SDK1: variants seen among roughly 807,000 people sequenced by gnomAD.
SDK1 encodes protein sidekick-1.
A neutral mutation model predicts 245.5 loss-of-function variants in SDK1; 157 were observed. That is an observed-to-expected ratio of 0.64 (90% CI 0.56 to 0.73). The LOEUF is 0.73. SDK1 is among the 30% of genes least tolerant of loss of function. The pLI is 0.00. For synonymous variants in SDK1, 1,647 were observed against 1,278.5 expected, an observed-to-expected ratio of 1.29 and a Z score of -6.15; for missense variants, 3,583 against 3,002.3, an observed-to-expected ratio of 1.19 and a Z score of -4.52.
At chr7:4,002,930 G>A (rs1785182751) in intron 14 of SDK1, among the ~76,000 whole-genome samples, 1 of 152,250 alleles carries the variant, frequency 6.6e-6, no homozygotes, top group Non-Finnish European at 1.5e-5. Flanking sequence ...GGGTTGGCAT[G>A]AGCTTCCTTC....
At chr7:3,710,625 C>G (rs10245274) in intron 4 of SDK1, among the ~76,000 whole-genome samples, 17,097 of 152,184 alleles carry the variant, frequency 0.11, 1,361 homozygotes, top group African/African-American at 0.22. Flanking sequence ...CTAAGGCAAA[C>G]ATTGTGTGTG....
At chr7:3,853,914 G>A (rs372225472) in intron 5 of SDK1, among the ~76,000 whole-genome samples, 3 of 152,060 alleles carry the variant, frequency 2.0e-5, no homozygotes, top group Admixed American at 6.6e-5. Context: ...GCTTGAACTC[G>A]AGAGGCAAAT....
chr7:4,175,948 G>A (rs2065714809), intron 34 of SDK1, 114 bp downstream of exon 34: 1 of 865,526 alleles, frequency 1.2e-6, no homozygotes, highest in Non-Finnish European at 1.9e-6. Context: ...TCCAGTTCTG[G>A]AATCGCCTCT....
At position 4,042,840 on chromosome 7, in the gene SDK1, G is replaced by A. The variant is rs150861152; in HGVS notation, c.2603-6508G>A. On this transcript the variant is annotated intron_variant, in intron 17 of 44. Coordinates refer to ENST00000404826, the MANE Select transcript of SDK1 (RefSeq NM_152744.4). ...TCAACACTGTCAAGAAGGATTTGCC[G>A]GCTGTAACTCTTTCTCGCTTGAGGG... Among the ~76,000 whole-genome samples, 17 of 152,308 alleles carry A rather than the reference G, an allele frequency of 1.1e-4. No individual in the cohort carries two copies. In the East Asian group the frequency reaches 1.5e-3, roughly 14 times the overall value.
chr7:3,945,273 G>A (rs1241603264), intron 5 of SDK1, among the ~76,000 whole-genome samples: 1 of 152,126 alleles, frequency 6.6e-6, no homozygotes, highest in Non-Finnish European at 1.5e-5. Context: ...GCGTCCCTTC[G>A]GAATAATAGT....
Position 3,657,304 on chromosome 7 carries a change from G to A in SDK1, c.713+15199G>A, listed in dbSNP as rs75085421. On this transcript the variant is annotated intron_variant, in intron 4 of 44. Coordinates refer to ENST00000404826, the MANE Select transcript of SDK1 (RefSeq NM_152744.4). ...AGATGAGAGGCAGACAGCTGCAGCT[G>A]TCTGGAGGTGCTGTCACAGTTGGCA... Among the ~76,000 whole-genome samples the A allele has an allele frequency of 4.2e-3, 647 of 152,298 alleles. 11 individuals carry two copies. Among genetic ancestry groups the A allele is most frequent in the African/African-American group, 0.015 (630 of 41,564 alleles).
intron 1 of SDK1, among the ~76,000 whole-genome samples, chr7:3,385,007 A>G (rs1015149938): frequency 6.6e-6 from 1 of 150,498 alleles, no homozygotes; most frequent in African/African-American, 2.4e-5. Flanking sequence ...TTCTGGAGAA[A>G]GTAGATGTGC....
intron 17 of SDK1, among the ~76,000 whole-genome samples, chr7:4,043,868 C>G (rs938708985): frequency 2.6e-5 from 4 of 152,124 alleles, no homozygotes; most frequent in African/African-American, 4.8e-5. Flanking sequence ...ATGCCGTCCT[C>G]AACCCCAGAG....
chr7:4,084,523 C>A (rs1781299091), intron 22 of SDK1, among the ~76,000 whole-genome samples: 1 of 152,188 alleles, frequency 6.6e-6, no homozygotes, highest in Non-Finnish European at 1.5e-5. Flanking sequence ...AGACGATAAC[C>A]TGAGCACCAA....
chr7:4,002,297 C>G (rs1440770276), intron 14 of SDK1, among the ~76,000 whole-genome samples: 1 of 152,144 alleles, frequency 6.6e-6, no homozygotes, highest in Non-Finnish European at 1.5e-5. Flanking sequence ...GAAGCCTCAC[C>G]CCAAGCAGTT....
chr7:4,044,938 C>T (rs909751462), intron 17 of SDK1, among the ~76,000 whole-genome samples: 5 of 152,154 alleles, frequency 3.3e-5, no homozygotes, highest in African/African-American at 1.2e-4. Flanking sequence ...CCCCTTTACC[C>T]CCACCCCAGC....
intron 8 of SDK1, among the ~76,000 whole-genome samples, chr7:3,959,268 C>G (rs539489276): frequency 6.6e-6 from 1 of 152,052 alleles, no homozygotes; most frequent in Non-Finnish European, 1.5e-5. Flanking sequence ...CCACATCTAC[C>G]CCAGACAGAG....
chr7:4,153,157 C>T (rs1285681932), intron 30 of SDK1, among the ~76,000 whole-genome samples: 3 of 151,004 alleles, frequency 2.0e-5, no homozygotes, highest in Admixed American at 6.6e-5. Flanking sequence ...GACAGAAAGG[C>T]GCAGAGGGAA....
chr7:3,773,296 C>G (rs1378706066), intron 4 of SDK1, among the ~76,000 whole-genome samples: 1 of 152,116 alleles, frequency 6.6e-6, no homozygotes, highest in Non-Finnish European at 1.5e-5. Flanking sequence ...TTCACTGATT[C>G]TTTCTTCCAC....
intron 1 of SDK1, among the ~76,000 whole-genome samples, chr7:3,332,963 C>T (rs1366151871): frequency 3.3e-5 from 5 of 152,174 alleles, no homozygotes; most frequent in African/African-American, 9.7e-5. Flanking sequence ...GCCTGGGGAA[C>T]GAGCCTCTTT....
intron 1 of SDK1, among the ~76,000 whole-genome samples, chr7:3,576,422 G>T (rs1187120270): frequency 6.6e-6 from 1 of 152,048 alleles, no homozygotes; most frequent in Non-Finnish European, 1.5e-5. Context: ...GACTTCCTCA[G>T]GGGAGTCGCA....
chr7:3,430,704 G>C (rs1450018301), intron 1 of SDK1, among the ~76,000 whole-genome samples: 1 of 152,172 alleles, frequency 6.6e-6, no homozygotes, highest in Non-Finnish European at 1.5e-5. Flanking sequence ...GAGTTCGTTA[G>C]GTATCCGTGG....
intron 43 of SDK1, among the ~76,000 whole-genome samples, chr7:4,245,286 T>A (rs1280762407): frequency 1.3e-5 from 2 of 152,090 alleles, no homozygotes; most frequent in Non-Finnish European, 2.9e-5. Flanking sequence ...GATCAGACTG[T>A]TCCTCATGAC....
chr7:3,486,584 T>C (rs1293071377), intron 1 of SDK1, among the ~76,000 whole-genome samples: 1 of 152,164 alleles, frequency 6.6e-6, no homozygotes, highest in East Asian at 1.9e-4. Context: ...TCCCAGTCTT[T>C]ATTTTGTGCG....
Sources: allele counts gnomAD v4.1 joint callset (sites outside exome capture counted in the v4.1 genomes callset), GRCh38; gene constraint gnomAD v4.1.1; transcripts MANE v1.5; gene names NCBI Gene and HGNC (gene_info 2026-07-23, HGNC 2026-07-21).